Variants in ASTN1 observed in about 807,000 individuals in gnomAD.
The protein encoded by ASTN1 is astrotactin-1.
In ASTN1, 41 loss-of-function variants were observed where a neutral mutation model predicts 140.7. That is an observed-to-expected ratio of 0.29 (90% CI 0.23 to 0.38). The LOEUF (loss-of-function observed/expected upper bound fraction) is 0.38. ASTN1 is among the 10% of genes least tolerant of loss of function. ASTN1 has a pLI of 1.00. For missense variants in ASTN1, 1,479 were observed against 1,678.8 expected (o/e 0.88, Z 2.08); for synonymous variants, 640 against 652.2 (o/e 0.98, Z 0.29).
intron 8 of ASTN1, among the ~76,000 whole-genome samples, chr1:177,001,936 G>T (rs1016292269): frequency 2.0e-5 from 3 of 152,200 alleles, no homozygotes; most frequent in African/African-American, 7.2e-5. Context: ...ATACACAAGG[G>T]AGTCTGTTCT....
At chr1:177,043,633 G>T (rs963784608) in intron 2 of ASTN1, among the ~76,000 whole-genome samples, 2 of 152,260 alleles carry the variant, frequency 1.3e-5, no homozygotes, top group African/African-American at 4.8e-5. Context: ...GGTAACCATG[G>T]TCTTATCCCT....
At chr1:177,044,860 C>T (rs375208775) in intron 2 of ASTN1, among the ~76,000 whole-genome samples, 1 of 152,158 alleles carries the variant, frequency 6.6e-6, no homozygotes, top group East Asian at 1.9e-4. Flanking sequence ...CACAGAGTTT[C>T]TTCTTTCTAC....
At chr1:177,044,939 G>C (rs1156982776) in intron 2 of ASTN1, among the ~76,000 whole-genome samples, 1 of 152,130 alleles carries the variant, frequency 6.6e-6, no homozygotes, top group African/African-American at 2.4e-5. Flanking sequence ...GAGAGGGACA[G>C]AAAGAGAGAA....
intron 2 of ASTN1, among the ~76,000 whole-genome samples, chr1:177,040,628 A>T (rs1372964646): frequency 1.3e-5 from 2 of 152,240 alleles, no homozygotes; most frequent in Non-Finnish European, 2.9e-5. Context: ...GAGTCCTTCC[A>T]ACCTAAAGAG....
chr1:177,024,330 G>A (rs1311160091), intron 6 of ASTN1, among the ~76,000 whole-genome samples: 2 of 152,180 alleles, frequency 1.3e-5, no homozygotes, highest in Non-Finnish European at 2.9e-5. Flanking sequence ...CAAAGACAGA[G>A]ACGTATTAAA....
chr1:177,023,542 G>T lies in ASTN1; in HGVS notation c.1300C>A (p.Gln434Lys), dbSNP rs1413129572. 6.2e-7 allele frequency: 1 copy of T among 1,601,606 alleles called. No individual in the cohort carries two copies. The highest frequency in any genetic ancestry group is 8.5e-7 in the Non-Finnish European group (1 of 1,175,934). ...GSRFILLEGS[Q>K]LDASDWLNPA... Reference sequence around the variant, plus strand: ...TTCAGCCAGTCACTGGCATCCAGCTGGCTCCCCTCCAGCAAGATGAAGCGG... The same window carrying T: ...TTCAGCCAGTCACTGGCATCCAGCTTGCTCCCCTCCAGCAAGATGAAGCGG... Residue 434 changes from glutamine (Q) to lysine (K), a missense_variant, in exon 7 of 23, where the codon CAG (glutamine) becomes AAG (lysine). Transcript: ENST00000361833.
At chr1:177,079,623 T>C (rs986727120) in intron 1 of ASTN1, among the ~76,000 whole-genome samples, 1 of 152,058 alleles carries the variant, frequency 6.6e-6, no homozygotes, top group Non-Finnish European at 1.5e-5. Context: ...TGCCATGCCA[T>C]TGGGTGTGGT....
chr1:177,080,204 C>T (rs1679110214), intron 1 of ASTN1, among the ~76,000 whole-genome samples: 3 of 150,076 alleles, frequency 2.0e-5, no homozygotes, highest in African/African-American at 4.9e-5. Context: ...CCTTCCTCTT[C>T]CCTTCCTAAG....
chr1:177,101,955 A>T (rs1558095989), intron 1 of ASTN1, among the ~76,000 whole-genome samples: 1 of 152,188 alleles, frequency 6.6e-6, no homozygotes, highest in Non-Finnish European at 1.5e-5. Flanking sequence ...CCAAGGCAAG[A>T]TTGGGTCTCA....
At chr1:176,926,176 T>C (rs1482280306) in intron 16 of ASTN1, among the ~76,000 whole-genome samples, 1 of 151,970 alleles carries the variant, frequency 6.6e-6, no homozygotes, top group Non-Finnish European at 1.5e-5. Flanking sequence ...ATTTAAGCTC[T>C]CATTATTATT....
chr1:177,145,689 A>T (rs1028842169), intron 1 of ASTN1, among the ~76,000 whole-genome samples: 1 of 152,244 alleles, frequency 6.6e-6, no homozygotes, highest in African/African-American at 2.4e-5. Flanking sequence ...TCAGTCAGTC[A>T]GTCTGTCTGT....
chr1:177,043,026 A>G (rs535377896), intron 2 of ASTN1, among the ~76,000 whole-genome samples: 5 of 152,310 alleles, frequency 3.3e-5, no homozygotes, highest in Non-Finnish European at 5.9e-5. Flanking sequence ...AATTTAACCA[A>G]TATGGCCAAG....
At chr1:176,936,147 C>G (rs1465432663) in intron 15 of ASTN1, 119 bp downstream of exon 15, 4 of 838,530 alleles carry the variant, frequency 4.8e-6, no homozygotes, top group Admixed American at 3.9e-5. Context: ...GCTCACACAT[C>G]TCATGCAATA....
chr1:177,032,359 T>C, intron 3 of ASTN1, 97 bp downstream of exon 3: 2 of 1,495,126 alleles, frequency 1.3e-6, no homozygotes, highest in Non-Finnish European at 1.8e-6. Flanking sequence ...TCACACTATG[T>C]AGGACAACCA....
intron 1 of ASTN1, among the ~76,000 whole-genome samples, chr1:177,100,276 C>T (rs1680236475): frequency 6.6e-6 from 1 of 152,028 alleles, no homozygotes; most frequent in Admixed American, 6.6e-5. Flanking sequence ...GCTAGAATGT[C>T]TATTATTTTC....
At chr1:176,988,376 C>A (rs555911705) in intron 8 of ASTN1, among the ~76,000 whole-genome samples, 4 of 150,106 alleles carry the variant, frequency 2.7e-5, no homozygotes, top group Non-Finnish European at 5.9e-5. Context: ...TTGTCCAGGA[C>A]AGTTTTATTA....
chr1:176,887,039 A>C (rs1490876031), intron 18 of ASTN1, among the ~76,000 whole-genome samples: 1 of 152,142 alleles, frequency 6.6e-6, no homozygotes, highest in African/African-American at 2.4e-5. Context: ...GGGCATGTCC[A>C]TTCTCAGACA....
rs147252690 is a variant in ASTN1, at chr1:177,060,386, G to T, written c.471+692C>A. On this transcript the variant is annotated intron_variant, in intron 2 of 22. Coordinates refer to ENST00000361833, the MANE Select transcript of ASTN1 (RefSeq NM_004319.3). ...CTCCTGGCTGGGAGAAGAGAAAAGA[G>T]AACTTGGTAGTGGCAAGCAGCTTGG... Among the ~76,000 whole-genome samples the T allele has an allele frequency of 2.6e-5, 4 of 152,290 alleles. No individual in the cohort carries two copies. In the East Asian group the frequency reaches 7.7e-4, roughly 29 times the overall value.
chr1:176,873,614 A>G (rs930414603), intron 21 of ASTN1, among the ~76,000 whole-genome samples: 4 of 152,198 alleles, frequency 2.6e-5, no homozygotes, highest in African/African-American at 9.7e-5. Context: ...GGGTGTGAGG[A>G]AGACAAAGCA....
Sources: gnomAD v4.1 joint callset for allele counts (sites outside exome capture counted in the v4.1 genomes callset) on GRCh38, gnomAD v4.1.1 for gene constraint, MANE v1.5 for transcripts, NCBI Gene and HGNC (gene_info 2026-07-23, HGNC 2026-07-21) for gene names.